The following GPR35 variants were observed in gnomAD, a reference collection of about 807,000 sequenced individuals.
GPR35 encodes KYNA receptor.
For synonymous variants in GPR35, 207 were observed against 198.4 expected, an observed-to-expected ratio of 1.04 and a Z score of -0.36; for missense variants, 372 against 422.5, an observed-to-expected ratio of 0.88 and a Z score of 1.05.
chr2:240,629,899 G>C (rs761869035), intron 1 of GPR35, 50 bp from the exon 2 acceptor site: 1 of 1,493,186 alleles, frequency 6.7e-7, no homozygotes, highest in Non-Finnish European at 9.1e-7. Context: ...GCAGTGCCTT[G>C]CTCCCCCTGC....
At chr2:240,617,096 G>A (rs2043247321) in exon 4 of GPR35, 3 of 690,450 alleles carry the variant, frequency 4.3e-6, no homozygotes, top group East Asian at 5.4e-5. Flanking sequence ...ACAGCCACCT[G>A]GGGGAGCTGG....
At chr2:240,618,823 A>C in intron 4 of GPR35, 1 of 530,478 alleles carries the variant, frequency 1.9e-6, no homozygotes. Flanking sequence ...TTTTTCATTT[A>C]CAAATACATT....
At chr2:240,616,317 G>C (rs547734238) in intron 2 of GPR35, 2 of 694,404 alleles carry the variant, frequency 2.9e-6, no homozygotes, top group Non-Finnish European at 5.2e-6. Flanking sequence ...AGGTCCCCGC[G>C]GTCCCGGCCG....
intron 5 of GPR35, among the ~76,000 whole-genome samples, chr2:240,619,838 A>C (rs2125480962): frequency 6.6e-6 from 1 of 152,244 alleles, no homozygotes; most frequent in Admixed American, 6.5e-5. Flanking sequence ...TTCCCGAGCC[A>C]GGAAGTGGCA....
intron 2 of GPR35, among the ~76,000 whole-genome samples, chr2:240,610,929 C>T (rs1395530418): frequency 4.0e-5 from 6 of 148,684 alleles, no homozygotes; most frequent in African/African-American, 7.5e-5. Context: ...CCACTGCACC[C>T]GGCCTGTCTT....
At chr2:240,607,594 T>G (rs772686750) in intron 2 of GPR35, 6 of 152,210 alleles carry the variant, frequency 3.9e-5, no homozygotes, top group Non-Finnish European at 8.8e-5. Context: ...CCAATGCTTG[T>G]AAATGGTATT....
At chr2:240,627,387 T>C (rs1316433457) in intron 1 of GPR35, 1 of 152,232 alleles carries the variant, frequency 6.6e-6, no homozygotes, top group Non-Finnish European at 1.5e-5. Context: ...TCGAAACTCT[T>C]GCAACATTTG....
upstream of GPR35, chr2:240,625,394 G>C (rs2043357028): frequency 1.0e-6 from 1 of 985,524 alleles, no homozygotes; most frequent in Non-Finnish European, 1.2e-6. Flanking sequence ...CCCCTGACCT[G>C]CTGCCGTCAG....
At chr2:240,617,409 A>C (rs17846976) in intron 4 of GPR35, 30,483 of 609,120 alleles carry the variant, frequency 0.05, 937 homozygotes, top group South Asian at 0.074. Flanking sequence ...TTTTTTGTGT[A>C]GCAATAGGTA....
intron 1 of GPR35, among the ~76,000 whole-genome samples, chr2:240,625,829 GT>G (rs66475788): frequency 4.4e-3 from 395 of 89,986 alleles, no homozygotes; most frequent in African/African-American, 7.0e-3. Flanking sequence ...GCTGTGATGG[GT>G]GTCTCAGAGT....
chr2:240,611,264 G>C (rs2043180739), intron 2 of GPR35, among the ~76,000 whole-genome samples: 1 of 152,044 alleles, frequency 6.6e-6, no homozygotes, highest in South Asian at 2.1e-4. Context: ...CACCGTGCCT[G>C]GCCAATAGTC....
intron 2 of GPR35, among the ~76,000 whole-genome samples, chr2:240,611,266 C>G (rs2043180756): frequency 6.6e-6 from 1 of 152,140 alleles, no homozygotes; most frequent in African/African-American, 2.4e-5. Flanking sequence ...CCGTGCCTGG[C>G]CAATAGTCTT....
exon 5 of GPR35, chr2:240,619,006 A>G: frequency 1.4e-6 from 1 of 702,858 alleles, no homozygotes. Flanking sequence ...GCTGAAGTAC[A>G]TGCTTCATAG....
intron 2 of GPR35, among the ~76,000 whole-genome samples, chr2:240,612,187 C>CT (rs2043187856): frequency 6.6e-6 from 1 of 151,698 alleles, no homozygotes; most frequent in African/African-American, 2.4e-5. Context: ...GGACTAGGGA[C>CT]TGGGAGGCCG....
intron 2 of GPR35, among the ~76,000 whole-genome samples, chr2:240,608,600 C>T (rs1404318270): frequency 6.6e-6 from 1 of 152,098 alleles, no homozygotes; most frequent in Non-Finnish European, 1.5e-5. Flanking sequence ...CATACTTTTT[C>T]ATGATGTGTT....
At chr2:240,618,875 TC>T in intron 4 of GPR35, 1 of 655,500 alleles carries the variant, frequency 1.5e-6, no homozygotes, top group South Asian at 1.6e-5. Flanking sequence ...TATTTCTCCC[TC>T]CTCTTTGCAA....
upstream of GPR35, among the ~76,000 whole-genome samples, chr2:240,623,352 A>G (rs2043323820): frequency 7.3e-6 from 1 of 137,184 alleles, no homozygotes; most frequent in Non-Finnish European, 1.6e-5. Flanking sequence ...TGAGGGCGCA[A>G]ACAGGTCGTG....
In GPR35 at chr2:240,630,075, GC is replaced by G; in HGVS notation, c.124del (p.Leu42SerfsTer18). 1 of 1,611,426 alleles carries G rather than the reference GC, an allele frequency of 6.2e-7. No individual in the cohort carries two copies. The highest frequency in any genetic ancestry group is 1.1e-5 in the South Asian group (1 of 91,080). On this transcript the variant is annotated frameshift_variant, in exon 2 of 2. Coordinates refer to ENST00000407714, the MANE Select transcript of GPR35 (RefSeq NM_005301.5). LOFTEE classifies it low-confidence loss of function (END_TRUNC). ...VLGLLLNSLA[L>X]WVFCCRMQQW... ...TAGGCCTGCTGCTCAACAGCCTGGC[GC>G]TCTGGGTGTTCTGCTGCCGCATGCA...
intron 1 of GPR35, among the ~76,000 whole-genome samples, chr2:240,605,766 TTTTG>T (rs760102949): frequency 5.9e-5 from 9 of 152,220 alleles, no homozygotes; most frequent in African/African-American, 1.7e-4. Context: ...GTTTTGCTTT[TTTTG>T]TTTGTTTGTT....
Sources: gnomAD v4.1 joint callset for allele counts (sites outside exome capture counted in the v4.1 genomes callset) on GRCh38, gnomAD v4.1.1 for gene constraint, MANE v1.5 for transcripts, NCBI Gene and HGNC (gene_info 2026-07-23, HGNC 2026-07-21) for gene names.